PLOD2: variants seen among roughly 807,000 people sequenced by gnomAD.
PLOD2 encodes the protein lysine hydroxylase 2.
Under a neutral mutation model 101.0 loss-of-function variants are expected in PLOD2, and 65 were observed. The ratio of observed to expected loss-of-function variants is 0.64; its 90% confidence interval spans 0.53 to 0.79. PLOD2 has a LOEUF of 0.79. Ranked by LOEUF, PLOD2 falls within the 30% of genes least tolerant of loss-of-function variation. The probability of loss-of-function intolerance (pLI) is 0.00; values close to 1 mark genes in which losing one functional copy is unlikely to be tolerated. For synonymous variants in PLOD2, 314 were observed against 302.9 expected, an observed-to-expected ratio of 1.04 and a Z score of -0.38; for missense variants, 909 against 914.6, an observed-to-expected ratio of 0.99 and a Z score of 0.08.
intron 1 of PLOD2, among the ~76,000 whole-genome samples, chr3:146,142,226 GT>G (rs1210855178): frequency 2.6e-5 from 4 of 152,186 alleles, no homozygotes; most frequent in Admixed American, 6.6e-5. Context: ...AAAGGAACTA[GT>G]TTTTTTATTC....
intron 13 of PLOD2, 51 bp from the exon 14 acceptor site, chr3:146,077,975 A>G (rs772794924): frequency 1.0e-6 from 1 of 974,174 alleles, no homozygotes; most frequent in Non-Finnish European, 1.7e-6. Context: ...CCGCTCTCTC[A>G]GGTATTCTTT....
At chr3:146,113,355 G>A (rs1004868901) in intron 3 of PLOD2, among the ~76,000 whole-genome samples, 1 of 152,148 alleles carries the variant, frequency 6.6e-6, no homozygotes, top group Non-Finnish European at 1.5e-5. Flanking sequence ...AAAGGGCAAG[G>A]AAGGTTTCCT....
intron 1 of PLOD2, among the ~76,000 whole-genome samples, chr3:146,125,418 T>C (rs1443194086): frequency 1.3e-5 from 2 of 152,130 alleles, no homozygotes; most frequent in Non-Finnish European, 2.9e-5. Flanking sequence ...TCCATGAAGA[T>C]AAACATCAAC....
chr3:146,120,198 G>C (rs1259715969), intron 3 of PLOD2, among the ~76,000 whole-genome samples: 1 of 152,168 alleles, frequency 6.6e-6, no homozygotes, highest in East Asian at 1.9e-4. Flanking sequence ...GGCCAGTGAT[G>C]ATGAGCATTT....
At chr3:146,142,305 A>T (rs1261195222) in intron 1 of PLOD2, among the ~76,000 whole-genome samples, 1 of 152,046 alleles carries the variant, frequency 6.6e-6, no homozygotes, top group African/African-American at 2.4e-5. Flanking sequence ...TTTTAATAGA[A>T]ATTTATGTAA....
At chr3:146,143,128 T>C (rs565142432) in intron 1 of PLOD2, among the ~76,000 whole-genome samples, 10 of 152,192 alleles carry the variant, frequency 6.6e-5, no homozygotes, top group East Asian at 3.9e-4. Context: ...CGACCGCCCT[T>C]GTAAAAATAT....
chr3:146,070,898 C>A, intron 19 of PLOD2, 26 bp from the exon 20 acceptor site: 1 of 1,583,192 alleles, frequency 6.3e-7, no homozygotes, highest in Non-Finnish European at 8.7e-7. Context: ...TGAAGAAATA[C>A]ATCAGATTAT....
At chr3:146,145,794 G>A (rs1156237200) in intron 1 of PLOD2, among the ~76,000 whole-genome samples, 1 of 92,818 alleles carries the variant, frequency 1.1e-5, no homozygotes, top group Non-Finnish European at 2.2e-5. Flanking sequence ...TCCAGAAGCT[G>A]TGAGTAAGCC....
chr3:146,087,059 A>G, intron 9 of PLOD2, 151 bp from the exon 10 acceptor site: 1 of 444,370 alleles, frequency 2.3e-6, no homozygotes, highest in Non-Finnish European at 3.9e-6. Flanking sequence ...TAAACACGGT[A>G]TATTTAAATA....
At chr3:146,095,134 A>G (rs954651139) in intron 7 of PLOD2, among the ~76,000 whole-genome samples, 2 of 152,206 alleles carry the variant, frequency 1.3e-5, no homozygotes, top group African/African-American at 4.8e-5. Context: ...AACCTAGGCA[A>G]TATCATTCAG....
chr3:146,130,931 T>A (rs2030872800), intron 1 of PLOD2, among the ~76,000 whole-genome samples: 1 of 152,182 alleles, frequency 6.6e-6, no homozygotes, highest in Non-Finnish European at 1.5e-5. Context: ...CAGATGGTCT[T>A]CCAATGGGAA....
intron 9 of PLOD2, 121 bp from the exon 10 acceptor site, chr3:146,087,029 A>G: frequency 2.0e-6 from 1 of 510,022 alleles, no homozygotes. Flanking sequence ...ATTCAATTAC[A>G]TATAAAATAA....
At chr3:146,097,039 G>T (rs1426005816) in intron 7 of PLOD2, among the ~76,000 whole-genome samples, 1 of 148,074 alleles carries the variant, frequency 6.8e-6, no homozygotes, top group Admixed American at 6.6e-5. Context: ...GCCCCGTCCG[G>T]GAGGTGAGGG....
chr3:146,072,494 C>T lies in PLOD2; in HGVS notation c.1848+67G>A, dbSNP rs573947263. On this transcript the variant is annotated intron_variant, in intron 17 of 19. Transcript: ENST00000282903. ...TATGAGAAAAAGTATATAACCCCTC[C>T]GAATTCTCTGAGTATCTACTTAACC... 33 of 991,914 alleles carry T rather than the reference C, an allele frequency of 3.3e-5. 1 individual carries two copies. Among genetic ancestry groups the T allele is most frequent in the Middle Eastern group, 2.1e-4 (1 of 4,788 alleles). The allele number at this position is 991,914 out of a possible 1,614,324, so 61.4% of individuals were successfully genotyped here.
intron 1 of PLOD2, 35 bp from the exon 2 acceptor site, chr3:146,124,264 C>A: frequency 2.6e-6 from 3 of 1,159,940 alleles, no homozygotes; most frequent in South Asian, 1.2e-5. Context: ...GAAGGTTTAC[C>A]AAGATATCAA....
intron 1 of PLOD2, among the ~76,000 whole-genome samples, chr3:146,124,903 A>G (rs2030461236): frequency 6.6e-6 from 1 of 152,164 alleles, no homozygotes. Context: ...CCATTTTATA[A>G]TGAAATATTA....
intron 7 of PLOD2, among the ~76,000 whole-genome samples, chr3:146,096,981 C>A (rs1287657759): frequency 6.8e-6 from 1 of 147,338 alleles, no homozygotes; most frequent in Non-Finnish European, 1.5e-5. Context: ...CGGCCAGCCG[C>A]CCCGGCCGGG....
chr3:146,081,515 C>G (rs1372790072), intron 12 of PLOD2, among the ~76,000 whole-genome samples: 1 of 152,114 alleles, frequency 6.6e-6, no homozygotes, highest in Admixed American at 6.5e-5. Context: ...GTATTCCCCA[C>G]AGCAATGAGC....
At chr3:146,155,571 C>A (rs1396438447) in intron 1 of PLOD2, among the ~76,000 whole-genome samples, 3 of 151,186 alleles carry the variant, frequency 2.0e-5, no homozygotes, top group Non-Finnish European at 4.4e-5. Context: ...CAAAAATTAG[C>A]TGGGCATGGT....
Sources: allele counts gnomAD v4.1 joint callset (sites outside exome capture counted in the v4.1 genomes callset), GRCh38; gene constraint gnomAD v4.1.1; transcripts MANE v1.5; gene names NCBI Gene and HGNC (gene_info 2026-07-23, HGNC 2026-07-21).